Variants in CS observed in about 807,000 individuals in gnomAD.
CS encodes the protein citrate synthase, mitochondrial.
A neutral mutation model predicts 61.4 loss-of-function variants in CS; 13 were observed. That is an observed-to-expected ratio of 0.21 (90% confidence interval 0.14 to 0.34). The LOEUF is 0.34. Ranked by LOEUF, CS falls within the 10% of genes least tolerant of loss-of-function variation. The pLI, the probability that CS is intolerant of heterozygous loss-of-function variation, is 1.00. For synonymous variants in CS, 159 were observed against 215.2 expected (o/e 0.74, Z 2.29); for missense variants, 278 against 573.4 (o/e 0.48, Z 5.26).
intron 1 of CS, among the ~76,000 whole-genome samples, chr12:56,287,479 CAAAAAAAA>C (rs61199207): frequency 7.2e-4 from 32 of 44,732 alleles, no homozygotes; most frequent in East Asian, 4.8e-3. Flanking sequence ...AAGACTCTGT[CAAAAAAAA>C]AAAAAAAAAA....
chr12:56,275,179 A>G (rs1283318940), intron 7 of CS, 48 bp from the exon 8 acceptor site: 1 of 1,612,316 alleles, frequency 6.2e-7, no homozygotes, highest in Non-Finnish European at 8.5e-7. Flanking sequence ...GAAGGGGCAG[A>G]TTATGGAAAC....
intron 1 of CS, among the ~76,000 whole-genome samples, chr12:56,297,538 C>G (rs1873342926): frequency 6.6e-6 from 1 of 152,076 alleles, no homozygotes; most frequent in Non-Finnish European, 1.5e-5. Context: ...CCCGTCTCTA[C>G]CAAAAATACA....
intron 1 of CS, among the ~76,000 whole-genome samples, chr12:56,289,980 G>A (rs1195549291): frequency 6.6e-6 from 1 of 151,314 alleles, no homozygotes; most frequent in Non-Finnish European, 1.5e-5. Context: ...TGCAACCTCC[G>A]CCTCCCAGGT....
intron 1 of CS, chr12:56,298,646 A>C (rs1270756367): frequency 1.0e-6 from 1 of 985,340 alleles, no homozygotes; most frequent in Non-Finnish European, 1.2e-6. Context: ...CAGCCAAGTA[A>C]GACAAGCATC....
chr12:56,292,316 G>A (rs183680126), intron 1 of CS, among the ~76,000 whole-genome samples: 214 of 151,624 alleles, frequency 1.4e-3, no homozygotes, highest in Non-Finnish European at 2.4e-3. Context: ...GAGAAGCTCC[G>A]GGAGGCAAAG....
In CS at chr12:56,273,183, T is replaced by C; in HGVS notation, c.1302A>G (p.Ala434=). Residue 434 remains alanine (A), a synonymous_variant, in exon 11 of 11, where the codon GCA becomes GCG. Transcript: ENST00000351328. ...CTAAGGCTCGGCTCCAGATGAGCTG[T>C]GCCAGTACACCCAATGCTCGTGACA... ...FGVSRALGVL[A]QLIWSRALGF... The C allele has an allele frequency of 6.2e-7, 1 of 1,613,932 alleles. No homozygotes were observed. Among genetic ancestry groups the C allele is most frequent in the Non-Finnish European group, 8.5e-7 (1 of 1,179,812 alleles).
chr12:56,286,794 G>A (rs1354106053), intron 1 of CS, 149 bp from the exon 2 acceptor site: 3 of 693,318 alleles, frequency 4.3e-6, no homozygotes, highest in East Asian at 5.5e-5. Context: ...TCCCCAAACA[G>A]TTTGGAAGGA....
chr12:56,275,569 T>TAA (rs769377638), intron 7 of CS: 140 of 107,006 alleles, frequency 1.3e-3, no homozygotes, highest in Admixed American at 3.3e-3. Flanking sequence ...AGACTCCATC[T>TAA]AAAAAAAAAA....
chr12:56,286,747 T>C (rs2306693), intron 1 of CS, 102 bp from the exon 2 acceptor site: 57,593 of 1,038,138 alleles, frequency 0.055, 1,934 homozygotes, highest in Non-Finnish European at 0.066. Context: ...TTCATCTCAG[T>C]CTCTTAGGGC....
At chr12:56,278,233 C>T (rs1321240435) in intron 6 of CS, among the ~76,000 whole-genome samples, 5 of 152,160 alleles carry the variant, frequency 3.3e-5, no homozygotes, top group Non-Finnish European at 7.4e-5. Flanking sequence ...GGGGTTCAAG[C>T]GATTCTTGTG....
chr12:56,282,740 C>A, intron 5 of CS, 120 bp downstream of exon 5: 1 of 1,542,486 alleles, frequency 6.5e-7, no homozygotes. Context: ...CAGAACTCTG[C>A]TGATTCCTTC....
At chr12:56,275,379 C>A in intron 7 of CS, 1 of 418,952 alleles carries the variant, frequency 2.4e-6, no homozygotes, top group Non-Finnish European at 4.4e-6. Flanking sequence ...TCAAGACCAT[C>A]CTGGCCAACA....
chr12:56,274,320 T>A (rs1158281186), intron 9 of CS: 14 of 124,024 alleles, frequency 1.1e-4, no homozygotes, highest in Admixed American at 1.8e-4. Context: ...AGACTGTCTT[T>A]AAAAAAAAAA....
intron 1 of CS, among the ~76,000 whole-genome samples, chr12:56,293,093 G>A (rs556045747): frequency 1.3e-5 from 2 of 151,792 alleles, no homozygotes; most frequent in East Asian, 3.9e-4. Context: ...GGCAACAGAG[G>A]AGACTCTGTC....
rs372840956 is a variant in CS at position 56,288,642 on chromosome 12, C to T, written c.43-1997G>A. Among the ~76,000 whole-genome samples, 14 of 151,668 alleles carry T rather than the reference C, an allele frequency of 9.2e-5. No individual in the cohort carries two copies. The East Asian group carries it at 1.6e-3, about 17-fold the overall frequency. On this transcript the variant is annotated intron_variant, in intron 1 of 10. Coordinates refer to ENST00000351328, the MANE Select transcript of CS (RefSeq NM_004077.3). ...TTTAGTTCCCCTATTTCTGTTGGGACGGAGAGGAGGAATGAAAAGAGGCCC... is the reference window on the plus strand; with the variant it reads ...TTTAGTTCCCCTATTTCTGTTGGGATGGAGAGGAGGAATGAAAAGAGGCCC...
chr12:56,277,477 C>A (rs1211468531), intron 6 of CS, among the ~76,000 whole-genome samples: 2 of 150,270 alleles, frequency 1.3e-5, no homozygotes, highest in East Asian at 4.0e-4. Flanking sequence ...CCAGCCTGGG[C>A]GACAGAGTGA....
At chr12:56,283,456 G>T (rs1018106038) in intron 4 of CS, among the ~76,000 whole-genome samples, 1 of 151,926 alleles carries the variant, frequency 6.6e-6, no homozygotes, top group Non-Finnish European at 1.5e-5. Context: ...TGTTAGCCAG[G>T]ACGGTCTCAA....
At chr12:56,297,750 G>A (rs192195526) in intron 1 of CS, among the ~76,000 whole-genome samples, 11 of 152,270 alleles carry the variant, frequency 7.2e-5, no homozygotes, top group Non-Finnish European at 1.0e-4. Context: ...TACACCTGAC[G>A]CTGAGACTCA....
chr12:56,293,541 A>AC (rs1183848196), intron 1 of CS, among the ~76,000 whole-genome samples: 1 of 152,074 alleles, frequency 6.6e-6, no homozygotes, highest in Non-Finnish European at 1.5e-5. Context: ...ACATGGTGAC[A>AC]CCCCATCTCT....
Sources: allele counts gnomAD v4.1 joint callset (sites outside exome capture counted in the v4.1 genomes callset), GRCh38; gene constraint gnomAD v4.1.1; transcripts MANE v1.5; gene names NCBI Gene and HGNC (gene_info 2026-07-23, HGNC 2026-07-21).